The following NCOA6 variants were observed in gnomAD, a reference collection of about 807,000 sequenced individuals.
NCOA6 encodes NRC RAP250.
A neutral mutation model predicts 171.4 loss-of-function variants in NCOA6; 49 were observed. The ratio of observed to expected loss-of-function variants is 0.29; its 90% CI spans 0.23 to 0.36. The LOEUF is 0.36. Ranked by LOEUF, NCOA6 falls within the 10% of genes least tolerant of loss-of-function variation. The probability of loss-of-function intolerance (pLI) is 1.00; values close to 1 mark genes in which losing one functional copy is unlikely to be tolerated. For missense variants in NCOA6, 2,248 were observed against 2,554.5 expected (o/e 0.88, Z 2.59); for synonymous variants, 910 against 927.5 (o/e 0.98, Z 0.34).
intron 3 of NCOA6, among the ~76,000 whole-genome samples, chr20:34,781,355 T>C (rs1243113751): frequency 1.3e-5 from 2 of 152,210 alleles, no homozygotes; most frequent in South Asian, 2.1e-4. Context: ...CTAACTAGAA[T>C]AGAGAACATC....
intron 5 of NCOA6, among the ~76,000 whole-genome samples, chr20:34,764,639 C>A (rs1320232155): frequency 2.0e-5 from 3 of 151,376 alleles, no homozygotes; most frequent in Admixed American, 6.6e-5. Context: ...GAGCCAAGAT[C>A]GCGCAACTGC....
chr20:34,788,712 G>C (rs552766738), intron 2 of NCOA6, among the ~76,000 whole-genome samples: 2 of 152,290 alleles, frequency 1.3e-5, no homozygotes, highest in South Asian at 2.1e-4. Flanking sequence ...TTGAGAGGCC[G>C]AAGCAGGCGG....
intron 4 of NCOA6, among the ~76,000 whole-genome samples, chr20:34,769,782 T>C (rs1036873012): frequency 2.6e-5 from 4 of 152,196 alleles, no homozygotes; most frequent in African/African-American, 9.6e-5. Context: ...TCTTACTTGG[T>C]CCAATGATAA....
At chr20:34,732,638 C>T in intron 12 of NCOA6, 43 bp from the exon 13 acceptor site, 6 of 1,565,026 alleles carry the variant, frequency 3.8e-6, no homozygotes, top group Non-Finnish European at 5.3e-6. Context: ...GTGGGAGCTG[C>T]CACAGAGAGA....
intron 1 of NCOA6, among the ~76,000 whole-genome samples, chr20:34,799,373 T>C (rs992778094): frequency 1.3e-5 from 2 of 152,198 alleles, no homozygotes; most frequent in African/African-American, 4.8e-5. Context: ...TAAGAGTTAC[T>C]GGCCTTAAAG....
intron 1 of NCOA6, among the ~76,000 whole-genome samples, 186 bp downstream of exon 1, chr20:34,825,286 G>T (rs2079119736): frequency 6.6e-6 from 1 of 151,496 alleles, no homozygotes; most frequent in Admixed American, 6.6e-5. Context: ...ATGGCGACGG[G>T]GACACAAGCG....
intron 14 of NCOA6, among the ~76,000 whole-genome samples, chr20:34,726,370 G>A (rs1254091968): frequency 6.6e-6 from 1 of 152,172 alleles, no homozygotes; most frequent in Non-Finnish European, 1.5e-5. Context: ...CCAAGAGAGA[G>A]GGGGAGAAAG....
chr20:34,731,857 C>T (rs2075791064), intron 13 of NCOA6, among the ~76,000 whole-genome samples: 1 of 152,086 alleles, frequency 6.6e-6, no homozygotes, highest in Admixed American at 6.5e-5. Context: ...CCCGTCTCTA[C>T]TAAAAATACA....
chr20:34,788,017 C>T (rs1248531579), intron 2 of NCOA6, among the ~76,000 whole-genome samples: 1 of 152,036 alleles, frequency 6.6e-6, no homozygotes, highest in African/African-American at 2.4e-5. Flanking sequence ...CAGGCAGATG[C>T]CACCACGCTT....
chr20:34,782,137 G>T lies in NCOA6; in HGVS notation c.219C>A (p.Pro73=). 2 of 1,593,584 alleles carry T rather than the reference G, an allele frequency of 1.3e-6. No individual in the cohort carries two copies. Among genetic ancestry groups the T allele is most frequent in the South Asian group, 2.3e-5 (2 of 88,340 alleles). ...GCAAATTACCCATGTGTAACAAATTGGGCACGTTTTTCAATATTGCATCTA... is the reference window on the plus strand; with the variant it reads ...GCAAATTACCCATGTGTAACAAATTTGGCACGTTTTTCAATATTGCATCTA... The part of the protein sequence containing the change: ...WKLDAILKNV[P]NLLHMESSKL... The change falls in exon 3 of 15, where the codon CCC becomes CCA. Residue 73 remains proline, a synonymous_variant. Transcript: ENST00000359003.
At chr20:34,746,257 T>G (rs915771562) in intron 10 of NCOA6, among the ~76,000 whole-genome samples, 1 of 151,712 alleles carries the variant, frequency 6.6e-6, no homozygotes, top group Non-Finnish European at 1.5e-5. Flanking sequence ...TCATGGTTTT[T>G]TTTTTTTTTT....
chr20:34,799,396 GAA>G (rs1382256695), intron 1 of NCOA6, among the ~76,000 whole-genome samples: 1 of 152,200 alleles, frequency 6.6e-6, no homozygotes, highest in African/African-American at 2.4e-5. Flanking sequence ...GAGGTAGAGT[GAA>G]AGAGAGGGGC....
At chr20:34,813,338 C>G (rs1002378301) in intron 1 of NCOA6, among the ~76,000 whole-genome samples, 5 of 151,370 alleles carry the variant, frequency 3.3e-5, no homozygotes, top group Non-Finnish European at 7.4e-5. Context: ...TGGTGGCGGG[C>G]ACCTGTAATC....
At chr20:34,737,132 A>G (rs1260942562) in intron 11 of NCOA6, among the ~76,000 whole-genome samples, 1 of 152,186 alleles carries the variant, frequency 6.6e-6, no homozygotes, top group Non-Finnish European at 1.5e-5. Flanking sequence ...GTACAATTAT[A>G]CCATTCCCCT....
rs1482918737 is a variant in NCOA6, at chr20:34,749,540, T to C, written c.2655A>G (p.Pro885=). ...PVNKDVTLTS[P]LLVNLLQSDI... Reference sequence around the variant, plus strand: ...CACTCTGCAATAAGTTGACCAACAATGGGCTCGTTAGCGTGACATCCTTAT... The same window carrying C: ...CACTCTGCAATAAGTTGACCAACAACGGGCTCGTTAGCGTGACATCCTTAT... Residue 885 remains proline (P), a synonymous_variant, in exon 9 of 15, where the codon CCA becomes CCG. Coordinates refer to ENST00000359003, the MANE Select transcript of NCOA6 (RefSeq NM_014071.5). 1.9e-6 allele frequency: 3 copies of C among 1,614,226 alleles called. No homozygotes were observed. The highest frequency in any genetic ancestry group is 2.2e-5 in the East Asian group (1 of 44,888).
intron 9 of NCOA6, 137 bp downstream of exon 9, chr20:34,749,265 CT>C: frequency 9.1e-7 from 1 of 1,097,380 alleles, no homozygotes; most frequent in South Asian, 1.6e-5. Flanking sequence ...GCAAGACAGA[CT>C]ATGAGTTGAT....
At chr20:34,776,631 G>A (rs949772442) in intron 3 of NCOA6, 183 bp from the exon 4 acceptor site, 2 of 736,878 alleles carry the variant, frequency 2.7e-6, no homozygotes, top group East Asian at 2.7e-5. Context: ...TAGCACCTGG[G>A]TGACCATGAA....
At chr20:34,724,825 G>A (rs1296878281) in intron 14 of NCOA6, among the ~76,000 whole-genome samples, 1 of 148,016 alleles carries the variant, frequency 6.8e-6, no homozygotes, top group Non-Finnish European at 1.5e-5. Flanking sequence ...GTCTCACTCT[G>A]TTGCCCAGGC....
chr20:34,778,015 C>G (rs2077389192), intron 3 of NCOA6, among the ~76,000 whole-genome samples: 1 of 152,122 alleles, frequency 6.6e-6, no homozygotes, highest in Non-Finnish European at 1.5e-5. Flanking sequence ...TCGAGCAATT[C>G]TCCTGCCTCA....
Sources: allele counts gnomAD v4.1 joint callset (sites outside exome capture counted in the v4.1 genomes callset), GRCh38; gene constraint gnomAD v4.1.1; transcripts MANE v1.5; gene names NCBI Gene and HGNC (gene_info 2026-07-23, HGNC 2026-07-21).